Variants in NALF1 observed in about 807,000 individuals in gnomAD.
The protein encoded by NALF1 is NALCN channel auxiliary factor 1, also known as family with sequence similarity 155 member A.
Under a neutral mutation model 48.4 loss-of-function variants are expected in NALF1, and 3 were observed. The ratio of observed to expected loss-of-function variants is 0.06; its 90% CI spans 0.03 to 0.16. NALF1 has a LOEUF of 0.16. Among genes scored for constraint, NALF1 ranks in the 10% least tolerant of loss-of-function variants. The pLI, the probability that NALF1 is intolerant of heterozygous loss-of-function variation, is 1.00. For missense variants in NALF1, 526 were observed against 571.5 expected, an observed-to-expected ratio of 0.92 and a Z score of 0.81; for synonymous variants, 262 against 245.7, an observed-to-expected ratio of 1.07 and a Z score of -0.62.
At chr13:107,232,317 G>T (rs1048777540) in intron 1 of NALF1, among the ~76,000 whole-genome samples, 1 of 152,194 alleles carries the variant, frequency 6.6e-6, no homozygotes, top group Non-Finnish European at 1.5e-5. Context: ...ATCTGATAAA[G>T]GGGAGTCTGT....
At chr13:107,783,873 TA>T (rs66692507) in intron 1 of NALF1, among the ~76,000 whole-genome samples, 37,145 of 132,990 alleles carry the variant, frequency 0.28, 4,891 homozygotes, top group East Asian at 0.56. Context: ...AAATAAAAAT[TA>T]AAAAAAAAAA....
chr13:107,339,934 T>C (rs1882636308), intron 1 of NALF1, among the ~76,000 whole-genome samples: 1 of 152,228 alleles, frequency 6.6e-6, no homozygotes, highest in Admixed American at 6.5e-5. Flanking sequence ...TGTTCCACTA[T>C]AAATTTTATT....
intron 1 of NALF1, among the ~76,000 whole-genome samples, chr13:107,464,199 G>C (rs1372308473): frequency 6.8e-6 from 1 of 146,174 alleles, no homozygotes; most frequent in Non-Finnish European, 1.5e-5. Flanking sequence ...ATGTAAAACA[G>C]AAATGCTTTT....
chr13:107,618,714 A>C (rs557560885), intron 1 of NALF1, among the ~76,000 whole-genome samples: 1 of 152,122 alleles, frequency 6.6e-6, no homozygotes, highest in Admixed American at 6.5e-5. Flanking sequence ...AAGGAAATGA[A>C]GGAGTAAAGC....
chr13:107,212,657 T>G (rs186996141), intron 1 of NALF1, among the ~76,000 whole-genome samples: 68 of 152,272 alleles, frequency 4.5e-4, no homozygotes, highest in Non-Finnish European at 8.4e-4. Flanking sequence ...GACATTGACG[T>G]TTGTGTAATA....
At chr13:107,820,033 G>A (rs1879320506) in intron 1 of NALF1, among the ~76,000 whole-genome samples, 1 of 152,118 alleles carries the variant, frequency 6.6e-6, no homozygotes, top group Admixed American at 6.6e-5. Context: ...TTCAGACACT[G>A]CTTTTCTTTT....
intron 2 of NALF1, among the ~76,000 whole-genome samples, chr13:107,187,606 T>C (rs546942038): frequency 1.3e-5 from 2 of 152,318 alleles, no homozygotes; most frequent in African/African-American, 4.8e-5. Context: ...CCTGGTTTTA[T>C]GGAGTGAACA....
intron 1 of NALF1, among the ~76,000 whole-genome samples, chr13:107,332,275 A>G (rs1389352743): frequency 6.6e-6 from 1 of 152,264 alleles, no homozygotes; most frequent in Non-Finnish European, 1.5e-5. Flanking sequence ...AAGGGGACAG[A>G]AACACATTCA....
intron 1 of NALF1, among the ~76,000 whole-genome samples, chr13:107,474,086 T>C (rs780167683): frequency 1.3e-5 from 2 of 152,210 alleles, no homozygotes; most frequent in Non-Finnish European, 2.9e-5. Flanking sequence ...TTGGGCACAC[T>C]CTATTGACTA....
intron 1 of NALF1, among the ~76,000 whole-genome samples, chr13:107,522,630 G>A (rs1479390223): frequency 1.3e-5 from 2 of 150,210 alleles, no homozygotes; most frequent in African/African-American, 2.5e-5. Flanking sequence ...TTTTGAGACA[G>A]TCTTGTTCTG....
Position 107,458,647 on chromosome 13 carries a change from C to T in NALF1, c.916-247892G>A, listed in dbSNP as rs535707723. The stretch of plus-strand genomic sequence containing the variant: ...TTTAACAAACCCCTGGACTTCACCA[C>T]CACTGGGAAAATCATAAAGAAGAGC... On this transcript the variant is annotated intron_variant, in intron 1 of 2. Coordinates refer to ENST00000375915, the MANE Select transcript of NALF1 (RefSeq NM_001080396.3). Among the ~76,000 whole-genome samples, 7 of 152,232 alleles carry T rather than the reference C, an allele frequency of 4.6e-5. 1 individual carries two copies. The highest frequency in any genetic ancestry group is 1.7e-4 in the African/African-American group (7 of 41,528).
chr13:107,248,876 T>C (rs548093530), intron 1 of NALF1, among the ~76,000 whole-genome samples: 1 of 146,354 alleles, frequency 6.8e-6, no homozygotes, highest in Non-Finnish European at 1.5e-5. Flanking sequence ...ATGATGGATA[T>C]GAATAAACAG....
At chr13:107,405,148 A>G (rs1421017875) in intron 1 of NALF1, among the ~76,000 whole-genome samples, 1 of 152,078 alleles carries the variant, frequency 6.6e-6, no homozygotes, top group African/African-American at 2.4e-5. Context: ...GCTATATGGC[A>G]GCCATTCAAT....
chr13:107,313,700 T>C (rs1882088540), intron 1 of NALF1, among the ~76,000 whole-genome samples: 1 of 152,192 alleles, frequency 6.6e-6, no homozygotes, highest in South Asian at 2.1e-4. Context: ...TGAGCCTGAC[T>C]AAGGCATAAG....
At chr13:107,584,743 C>G (rs998555269) in intron 1 of NALF1, among the ~76,000 whole-genome samples, 1 of 152,182 alleles carries the variant, frequency 6.6e-6, no homozygotes, top group South Asian at 2.1e-4. Context: ...CGTAGCCACT[C>G]ACTTGGGAGG....
intron 1 of NALF1, among the ~76,000 whole-genome samples, chr13:107,774,995 CA>C (rs1292392152): frequency 2.6e-5 from 4 of 152,152 alleles, no homozygotes; most frequent in African/African-American, 7.2e-5. Context: ...AGATCAGAAA[CA>C]CAAAGCTATA....
chr13:107,565,228 T>G (rs996512052), intron 1 of NALF1, among the ~76,000 whole-genome samples: 2 of 150,568 alleles, frequency 1.3e-5, no homozygotes, highest in African/African-American at 4.9e-5. Flanking sequence ...TTTTTAAAAT[T>G]AAGGGGCATG....
At chr13:107,729,895 T>C (rs1442914772) in intron 1 of NALF1, among the ~76,000 whole-genome samples, 1 of 152,240 alleles carries the variant, frequency 6.6e-6, no homozygotes, top group Non-Finnish European at 1.5e-5. Flanking sequence ...GATAGATATA[T>C]GCCTAGAAGA....
chr13:107,247,326 A>G (rs1386349973), intron 1 of NALF1, among the ~76,000 whole-genome samples: 3 of 152,208 alleles, frequency 2.0e-5, no homozygotes, highest in African/African-American at 7.2e-5. Flanking sequence ...CCTCTATTAG[A>G]ACAAAATTCC....
Sources: allele counts gnomAD v4.1 joint callset (sites outside exome capture counted in the v4.1 genomes callset), GRCh38; gene constraint gnomAD v4.1.1; transcripts MANE v1.5; gene names NCBI Gene and HGNC (gene_info 2026-07-23, HGNC 2026-07-21).